KCNH5: variants seen among roughly 807,000 people sequenced by gnomAD.
The protein encoded by KCNH5 is potassium voltage-gated channel subfamily H member 5.
Under a neutral mutation model 96.1 loss-of-function variants are expected in KCNH5, and 46 were observed. The observed-to-expected ratio is 0.48, with a 90% CI of 0.38 to 0.61. The LOEUF is 0.61. Among genes scored for constraint, KCNH5 ranks in the 20% least tolerant of loss-of-function variants. The pLI, the probability that KCNH5 is intolerant of heterozygous loss-of-function variation, is 0.00. For missense variants in KCNH5, 907 were observed against 1,225.8 expected (o/e 0.74, Z 3.88); for synonymous variants, 439 against 449.8 (o/e 0.98, Z 0.30).
chr14:62,723,715 G>A (rs987462103), intron 10 of KCNH5, among the ~76,000 whole-genome samples: 10 of 152,142 alleles, frequency 6.6e-5, no homozygotes, highest in African/African-American at 2.2e-4. Context: ...GAATAAATTT[G>A]GCCAAGCCAC....
At chr14:62,732,015 T>C (rs1885061183) in intron 10 of KCNH5, among the ~76,000 whole-genome samples, 1 of 152,182 alleles carries the variant, frequency 6.6e-6, no homozygotes, top group African/African-American at 2.4e-5. Flanking sequence ...CATAAAATTT[T>C]CTTGTTCTTG....
chr14:62,949,126 T>G (rs954239224), intron 7 of KCNH5, among the ~76,000 whole-genome samples: 5 of 151,984 alleles, frequency 3.3e-5, no homozygotes, highest in African/African-American at 1.2e-4. Context: ...CTCTCACCAC[T>G]CCTATTCAAC....
chr14:62,816,074 A>G (rs929339674), intron 8 of KCNH5, among the ~76,000 whole-genome samples: 8 of 151,974 alleles, frequency 5.3e-5, no homozygotes, highest in Non-Finnish European at 1.2e-4. Context: ...ATATGTGTGT[A>G]TATTCATGTG....
intron 7 of KCNH5, 115 bp downstream of exon 7, chr14:62,950,018 A>C: frequency 1.2e-6 from 1 of 814,730 alleles, no homozygotes; most frequent in Non-Finnish European, 1.9e-6. Context: ...ATTGCAAATA[A>C]GATGGATTAA....
chr14:62,854,791 A>G (rs893277522), intron 7 of KCNH5, among the ~76,000 whole-genome samples: 33 of 151,694 alleles, frequency 2.2e-4, no homozygotes, highest in African/African-American at 7.0e-4. Context: ...AATGCCTTAC[A>G]TAGAAAGTCT....
intron 8 of KCNH5, among the ~76,000 whole-genome samples, chr14:62,823,937 T>C (rs554723435): frequency 4.7e-4 from 72 of 152,160 alleles, no homozygotes; most frequent in Middle Eastern, 3.4e-3. Flanking sequence ...TTCAGCTTAA[T>C]GATCTGCCTT....
chr14:62,995,546 T>C (rs181258012), intron 4 of KCNH5, among the ~76,000 whole-genome samples: 38 of 152,284 alleles, frequency 2.5e-4, no homozygotes, highest in Non-Finnish European at 4.0e-4. Context: ...TGACTAAATA[T>C]GAGTGGATTA....
intron 5 of KCNH5, among the ~76,000 whole-genome samples, chr14:62,986,699 A>C (rs1021220685): frequency 1.3e-5 from 2 of 151,940 alleles, no homozygotes; most frequent in African/African-American, 4.8e-5. Flanking sequence ...TGGATATTTA[A>C]CTCCTTGATG....
In KCNH5 at chr14:62,702,311, C is replaced by A. The variant is rs1450821009; in HGVS notation, c.*5197G>T. Reference sequence around the variant, plus strand: ...ATTGACTCTGACCTATCAAGAAAAACCAAACATTTACATTCACATTATCGA... The same window carrying A: ...ATTGACTCTGACCTATCAAGAAAAAACAAACATTTACATTCACATTATCGA... On this transcript the variant is annotated 3_prime_UTR_variant, in exon 11 of 11. Transcript: ENST00000322893. 6.6e-6 allele frequency: 1 copy of A among 152,024 alleles called. No homozygotes were observed. Among genetic ancestry groups the A allele is most frequent in the Non-Finnish European group, 1.5e-5 (1 of 67,910 alleles). The allele number at this position is 152,024 out of a possible 1,614,324, so 9.4% of individuals were successfully genotyped here. A position where few individuals can be genotyped will look rare whatever the true frequency, so the allele number is the denominator to read the frequency against.
At chr14:62,809,957 G>A (rs1886840456) in intron 8 of KCNH5, among the ~76,000 whole-genome samples, 1 of 151,962 alleles carries the variant, frequency 6.6e-6, no homozygotes, top group Non-Finnish European at 1.5e-5. Context: ...TCTAATTCTG[G>A]GCATATTACA....
At chr14:62,900,169 C>G (rs1980556) in intron 7 of KCNH5, among the ~76,000 whole-genome samples, 117,838 of 152,130 alleles carry the variant, frequency 0.77, 46,825 homozygotes, top group East Asian at 1. Flanking sequence ...GATCAATAAA[C>G]TACCAGCAAC....
intron 8 of KCNH5, among the ~76,000 whole-genome samples, chr14:62,843,589 T>A (rs1887630144): frequency 6.6e-6 from 1 of 152,022 alleles, no homozygotes; most frequent in Non-Finnish European, 1.5e-5. Flanking sequence ...TTTTTGTATT[T>A]TTAGTAGAGA....
intron 7 of KCNH5, among the ~76,000 whole-genome samples, chr14:62,928,021 T>C (rs1399562070): frequency 1.3e-5 from 2 of 152,076 alleles, no homozygotes; most frequent in Non-Finnish European, 2.9e-5. Flanking sequence ...GAGATAACTA[T>C]GCCACTGCCA....
intron 7 of KCNH5, among the ~76,000 whole-genome samples, chr14:62,859,545 A>C (rs1266144029): frequency 6.6e-6 from 1 of 152,160 alleles, no homozygotes; most frequent in Non-Finnish European, 1.5e-5. Flanking sequence ...GTCCATCCAC[A>C]TACCTCTTCC....
intron 6 of KCNH5, among the ~76,000 whole-genome samples, chr14:62,954,991 A>G (rs1167973261): frequency 6.6e-6 from 1 of 152,006 alleles, no homozygotes; most frequent in Non-Finnish European, 1.5e-5. Context: ...GGAAGCTACA[A>G]TTTAAGATGA....
At chr14:62,978,801 A>G (rs1256963359) in intron 6 of KCNH5, among the ~76,000 whole-genome samples, 1 of 152,192 alleles carries the variant, frequency 6.6e-6, no homozygotes, top group Non-Finnish European at 1.5e-5. Context: ...TGACAGAAAT[A>G]ATTGCATGTA....
chr14:62,977,467 A>G (rs772566128), intron 6 of KCNH5, among the ~76,000 whole-genome samples: 4 of 152,168 alleles, frequency 2.6e-5, no homozygotes, highest in Non-Finnish European at 5.9e-5. Flanking sequence ...GCATTTAAAT[A>G]GTGAGCGAAA....
chr14:63,009,119 T>C (rs1891179606), intron 2 of KCNH5, among the ~76,000 whole-genome samples: 1 of 151,994 alleles, frequency 6.6e-6, no homozygotes, highest in African/African-American at 2.4e-5. Flanking sequence ...TATTCGCAAT[T>C]GGTCAACAGA....
At chr14:62,911,967 G>A (rs1019344338) in intron 7 of KCNH5, among the ~76,000 whole-genome samples, 1 of 149,948 alleles carries the variant, frequency 6.7e-6, no homozygotes, top group Non-Finnish European at 1.5e-5. Context: ...GAAACCGGGA[G>A]GCGGATGTTG....
Sources: allele counts gnomAD v4.1 joint callset (sites outside exome capture counted in the v4.1 genomes callset), GRCh38; gene constraint gnomAD v4.1.1; transcripts MANE v1.5; gene names NCBI Gene and HGNC (gene_info 2026-07-23, HGNC 2026-07-21).